CPXM2: variants seen among roughly 807,000 people sequenced by gnomAD.
CPXM2 encodes inactive carboxypeptidase-like protein X2.
In CPXM2, 66 loss-of-function variants were observed where a neutral mutation model predicts 86.1. The ratio of observed to expected loss-of-function variants is 0.77; its 90% CI spans 0.63 to 0.94. CPXM2 has a LOEUF of 0.94. CPXM2 is among the 40% of genes least tolerant of loss of function. The pLI, the probability that CPXM2 is intolerant of heterozygous loss-of-function variation, is 0.00. For missense variants in CPXM2, 948 were observed against 1,026.3 expected, an observed-to-expected ratio of 0.92 and a Z score of 1.04; for synonymous variants, 388 against 400.2, an observed-to-expected ratio of 0.97 and a Z score of 0.36.
chr10:123,749,102 G>C (rs1468059138), intron 13 of CPXM2, among the ~76,000 whole-genome samples: 1 of 152,218 alleles, frequency 6.6e-6, no homozygotes, highest in Non-Finnish European at 1.5e-5. Flanking sequence ...TTACTGGCCT[G>C]AGAAGCAGAG....
chr10:123,927,276 T>C (rs1329742595), intron 2 of CPXM2, among the ~76,000 whole-genome samples: 1 of 152,216 alleles, frequency 6.6e-6, no homozygotes, highest in Non-Finnish European at 1.5e-5. Context: ...CACCCTTCAG[T>C]GATGCTAGAC....
At position 123,842,402 on chromosome 10, in the gene CPXM2, C is replaced by G; in HGVS notation, c.600G>C (p.Arg200=). 1.2e-6 allele frequency: 2 copies of G among 1,614,254 alleles called. No individual in the cohort carries two copies. Among genetic ancestry groups the G allele is most frequent in the Non-Finnish European group, 1.7e-6 (2 of 1,180,052 alleles). The change falls in exon 4 of 14, where the codon CGG becomes CGC. Residue 200 remains arginine, a synonymous_variant. Coordinates refer to ENST00000241305, the MANE Select transcript of CPXM2 (RefSeq NM_198148.3). ...TGACACCAGTGAATCTGGTCAGGCG[C>G]CGAGCATCCACTTCAATCCACTGCT... ...DLQQWIEVDA[R]RLTRFTGVIT...
At chr10:123,927,174 C>G (rs73368771) in intron 2 of CPXM2, among the ~76,000 whole-genome samples, 2,281 of 152,254 alleles carry the variant, frequency 0.015, 49 homozygotes, top group African/African-American at 0.052. Context: ...CACCACTGGG[C>G]CTTTTCAAAG....
chr10:123,941,584 A>G (rs1490605146), upstream of CPXM2, among the ~76,000 whole-genome samples: 2 of 152,224 alleles, frequency 1.3e-5, no homozygotes, highest in Non-Finnish European at 2.9e-5. Context: ...CGCAACATAC[A>G]TTTTTGGAGG....
At chr10:123,806,276 A>C (rs972858829) in intron 4 of CPXM2, among the ~76,000 whole-genome samples, 2 of 152,134 alleles carry the variant, frequency 1.3e-5, no homozygotes, top group Non-Finnish European at 2.9e-5. Flanking sequence ...TTCTTTCAGC[A>C]CTTAAAAATT....
chr10:123,850,523 T>G lies in CPXM2; in HGVS notation c.514-8035A>C, dbSNP rs1369953971. On this transcript the variant is annotated intron_variant, in intron 3 of 13. Coordinates refer to ENST00000241305, the MANE Select transcript of CPXM2 (RefSeq NM_198148.3). ...TGTGAATCCTCCCTTTGTCTGGCGA[T>G]CCACACTGTCTACTTTAGCCGCCCA... Among the ~76,000 whole-genome samples the G allele has an allele frequency of 3.9e-5, 6 of 152,370 alleles. No homozygotes were observed. The East Asian group carries it at 1.2e-3, about 29-fold the overall frequency.
In CPXM2 at chr10:123,768,573, C is replaced by T. The variant is rs199611205; in HGVS notation, c.1252G>A (p.Val418Ile). Reference protein sequence around the residue: ...VHLVEETRIHVLPSLNPDGYE... With the variant: ...VHLVEETRIHILPSLNPDGYE... The stretch of plus-strand genomic sequence containing the variant: ...CCATCGGGGTTGAGGGAGGGGAGGA[C>T]GTGAATCCGCGTCTCCTCCACCAGG... Residue 418 changes from valine to isoleucine, a missense_variant, in exon 9 of 14, where the codon GTC (valine) becomes ATC (isoleucine). Val to Ile is a conservative substitution (Grantham distance 29). Transcript: ENST00000241305. 2.3e-5 allele frequency: 37 copies of T among 1,613,680 alleles called. No individual in the cohort carries two copies. The highest frequency in any genetic ancestry group is 2.9e-5 in the Non-Finnish European group (34 of 1,179,848).
At position 123,809,491 on chromosome 10, in the gene CPXM2, G is replaced by T. The variant is rs145812762; in HGVS notation, c.654-10292C>A. ...ATAGAAAAGGCAGTAATTTGTGTTT[G>T]TTATGTGCCAGGTCCCACTCTAAGA... On this transcript the variant is annotated intron_variant, in intron 4 of 13. Coordinates refer to ENST00000241305, the MANE Select transcript of CPXM2 (RefSeq NM_198148.3). Among the ~76,000 whole-genome samples, 814 of 152,136 alleles carry T rather than the reference G, an allele frequency of 5.4e-3. 7 individuals carry two copies. Among genetic ancestry groups the T allele is most frequent in the Middle Eastern group, 0.024 (7 of 294 alleles).
At chr10:123,922,038 C>T (rs1241698982) in intron 2 of CPXM2, among the ~76,000 whole-genome samples, 1 of 152,192 alleles carries the variant, frequency 6.6e-6, no homozygotes, top group Non-Finnish European at 1.5e-5. Flanking sequence ...TACTCCAGGA[C>T]TCAACCTGAG....
chr10:123,761,772 T>A (rs1326782329), intron 11 of CPXM2, 100 bp downstream of exon 11: 3 of 1,215,436 alleles, frequency 2.5e-6, no homozygotes, highest in Non-Finnish European at 3.5e-6. Flanking sequence ...AGCCACCACT[T>A]AGTGACAACA....
At chr10:123,751,420 C>T in intron 13 of CPXM2, 3 of 815,558 alleles carry the variant, frequency 3.7e-6, no homozygotes, top group Non-Finnish European at 4.4e-6. Context: ...CGAAGTTTTG[C>T]AAAACGTCCT....
intron 2 of CPXM2, among the ~76,000 whole-genome samples, chr10:123,904,216 A>C (rs1945411721): frequency 6.6e-6 from 1 of 151,956 alleles, no homozygotes; most frequent in African/African-American, 2.4e-5. Flanking sequence ...ATCAGGACTA[A>C]CTCTTCCTGC....
chr10:123,747,439 G>A (rs975728471), intron 13 of CPXM2, among the ~76,000 whole-genome samples: 13 of 152,198 alleles, frequency 8.5e-5, no homozygotes, highest in Admixed American at 6.5e-4. Flanking sequence ...TTTTTCAAAG[G>A]TGTGGGCTTT....
rs150318218 is a variant in CPXM2 at position 123,842,391 on chromosome 10, C to T, written c.611G>A (p.Arg204Lys). The part of the protein sequence containing the change: ...WIEVDARRLT[R>K]FTGVITQGRN... ...CCCTTGAGTGATGACACCAGTGAAT[C>T]TGGTCAGGCGCCGAGCATCCACTTC... is the stretch of plus-strand genomic sequence containing the variant. The change falls in exon 4 of 14, where the codon AGA becomes AAA. Residue 204 changes from arginine (R) to lysine (K), a missense_variant. Transcript: ENST00000241305. 533 of 1,614,144 alleles carry T rather than the reference C, an allele frequency of 3.3e-4. No individual in the cohort carries two copies. Among genetic ancestry groups the T allele is most frequent in the Non-Finnish European group, 4.0e-4 (467 of 1,180,048 alleles).
At chr10:123,847,211 T>C (rs996663192) in intron 3 of CPXM2, among the ~76,000 whole-genome samples, 4 of 152,206 alleles carry the variant, frequency 2.6e-5, no homozygotes, top group Non-Finnish European at 4.4e-5. Flanking sequence ...TACAGATCAA[T>C]ATGTGCATAT....
chr10:123,794,099 T>C (rs1235615674), intron 6 of CPXM2, among the ~76,000 whole-genome samples: 2 of 152,240 alleles, frequency 1.3e-5, no homozygotes, highest in African/African-American at 2.4e-5. Flanking sequence ...CTTGGCCGAC[T>C]TGGAGGACTG....
chr10:123,908,253 G>A (rs1945460345), intron 2 of CPXM2, among the ~76,000 whole-genome samples: 1 of 152,086 alleles, frequency 6.6e-6, no homozygotes, highest in Non-Finnish European at 1.5e-5. Flanking sequence ...GAAAGGATGG[G>A]GTGGGGGCTT....
At chr10:123,873,895 T>C (rs959735204) in intron 2 of CPXM2, among the ~76,000 whole-genome samples, 7 of 148,294 alleles carry the variant, frequency 4.7e-5, no homozygotes, top group African/African-American at 1.8e-4. Context: ...AGTCTCACTC[T>C]GTAGCCCAAG....
chr10:123,789,942 C>A (rs112526941), intron 6 of CPXM2, among the ~76,000 whole-genome samples: 55 of 152,148 alleles, frequency 3.6e-4, no homozygotes, highest in African/African-American at 1.3e-3. Context: ...CACGGTGAAA[C>A]CCCGTCTCTA....
Sources: gnomAD v4.1 joint callset for allele counts (sites outside exome capture counted in the v4.1 genomes callset) on GRCh38, gnomAD v4.1.1 for gene constraint, MANE v1.5 for transcripts, NCBI Gene and HGNC (gene_info 2026-07-23, HGNC 2026-07-21) for gene names.